Variants in SLC36A4 observed in about 807,000 individuals in gnomAD.
The protein encoded by SLC36A4 is solute carrier family 36 member 4, also known as neutral amino acid uniporter 4.
In SLC36A4, 49 loss-of-function variants were observed where a neutral mutation model predicts 50.5. That is an observed-to-expected ratio of 0.97 (90% CI 0.77 to 1.23). The LOEUF is 1.23. Ranked by LOEUF, SLC36A4 falls within the 50% of genes most tolerant of loss-of-function variation. SLC36A4 has a pLI of 0.00. For synonymous variants in SLC36A4, 207 were observed against 206.5 expected (o/e 1.00, Z -0.02); for missense variants, 611 against 608.4 (o/e 1.00, Z -0.05).
intron 10 of SLC36A4, chr11:93,152,458 GA>G (rs1860137518): frequency 6.6e-6 from 1 of 152,144 alleles, no homozygotes; most frequent in South Asian, 2.1e-4. Context: ...CAATATAGCA[GA>G]AGGAAATATT....
chr11:93,150,318 T>C (rs1453004647), intron 10 of SLC36A4, among the ~76,000 whole-genome samples: 1 of 152,060 alleles, frequency 6.6e-6, no homozygotes, highest in Non-Finnish European at 1.5e-5. Flanking sequence ...AATTTAGTTT[T>C]CAGCTTGCAG....
intron 1 of SLC36A4, among the ~76,000 whole-genome samples, chr11:93,187,142 A>G (rs533452784): frequency 0.11 from 17,074 of 152,214 alleles, 1,263 homozygotes; most frequent in Non-Finnish European, 0.16. Flanking sequence ...TTTCTTGAAA[A>G]TGCTGTTCCA....
Position 93,154,264 on chromosome 11 carries a change from C to G in SLC36A4, c.1051G>C (p.Val351Leu), listed in dbSNP as rs747449159. 7.0e-6 allele frequency: 10 copies of G among 1,428,518 alleles called. No individual in the cohort carries two copies. Among genetic ancestry groups the G allele is most frequent in the Middle Eastern group, 1.8e-4 (1 of 5,444 alleles). The allele number at this position is 1,428,518 out of a possible 1,614,324, so 88.5% of individuals were successfully genotyped here. The change falls in exon 10 of 11, where the codon GTG (valine) becomes CTG (leucine). Residue 351 changes from valine to leucine, a missense_variant. Physicochemically the swap from Val to Leu is conservative, Grantham distance 32. Transcript: ENST00000326402. ...LPQDVWLYQS[V>L]KILYSFGIFV... ...ATGCCAAAGGAATATAGAATTTTCA[C>G]TGATTGATATAACCTGTTGAAAAAA...
chr11:93,177,520 T>G (rs758875761), intron 6 of SLC36A4, among the ~76,000 whole-genome samples: 11 of 151,756 alleles, frequency 7.2e-5, no homozygotes, highest in African/African-American at 1.7e-4. Flanking sequence ...TCCTTTGGCC[T>G]TTGAGGATGG....
chr11:93,148,930 A>G (rs3758676), intron 10 of SLC36A4, 86 bp from the exon 11 acceptor site: 1 of 1,171,100 alleles, frequency 8.5e-7, no homozygotes, highest in African/African-American at 1.6e-5. Context: ...CAATACTGAA[A>G]GTAATTACTA....
chr11:93,170,979 T>C (rs1272883157), intron 6 of SLC36A4, among the ~76,000 whole-genome samples: 1 of 152,044 alleles, frequency 6.6e-6, no homozygotes, highest in Non-Finnish European at 1.5e-5. Flanking sequence ...TAACAGTAAA[T>C]AGCAATTGGT....
At chr11:93,182,215 G>C (rs1861768216) in intron 4 of SLC36A4, 2 of 452,320 alleles carry the variant, frequency 4.4e-6, no homozygotes, top group African/African-American at 4.3e-5. Flanking sequence ...CTTCCCATGA[G>C]GTAGGTATTA....
intron 8 of SLC36A4, among the ~76,000 whole-genome samples, chr11:93,164,935 A>AAATACATGT (rs1220534295): frequency 1.3e-5 from 2 of 152,176 alleles, no homozygotes; most frequent in African/African-American, 4.8e-5. Context: ...TTAGATGAGA[A>AAATACATGT]AATACATGTC....
Position 93,197,878 on chromosome 11 carries a change from C to T in SLC36A4, c.-46G>A. ...GCCGCCGCCCGAGTGCTCACTCTCC[C>T]GCCGCTGCGTGGCCGGCGTCAGGCC... is the stretch of plus-strand genomic sequence containing the variant. On this transcript the variant is annotated 5_prime_UTR_variant, in exon 1 of 11. Transcript: ENST00000326402. The T allele has an allele frequency of 6.6e-7, 1 of 1,508,860 alleles. No homozygotes were observed. The highest frequency in any genetic ancestry group is 1.4e-5 in the African/African-American group (1 of 69,074). The allele number at this position is 1,508,860 out of a possible 1,614,324, so 93.5% of individuals were successfully genotyped here. A position where few individuals can be genotyped will look rare whatever the true frequency, so the allele number is the denominator to read the frequency against.
intron 10 of SLC36A4, among the ~76,000 whole-genome samples, chr11:93,153,343 T>C (rs1467200016): frequency 6.6e-6 from 1 of 152,166 alleles, no homozygotes; most frequent in Admixed American, 6.6e-5. Context: ...GTTACAATAA[T>C]GATCATAACT....
Position 93,197,713 on chromosome 11 carries a change from A to T in SLC36A4, c.55+65T>A, listed in dbSNP as rs1555019154. 17 of 1,522,984 alleles carry T rather than the reference A, an allele frequency of 1.1e-5. No homozygotes were observed. The South Asian group carries it at 1.5e-4, about 14-fold the overall frequency. 94.3% of individuals were successfully genotyped at this position (1,522,984 alleles called of 1,614,324 possible). On this transcript the variant is annotated intron_variant, in intron 1 of 10. Transcript: ENST00000326402. ...GCGGGGCCCCTGGAGGTGTGGGCGCACCCGACTCCCGCACAGACCCCCGCC... is the reference window on the plus strand; with the variant it reads ...GCGGGGCCCCTGGAGGTGTGGGCGCTCCCGACTCCCGCACAGACCCCCGCC...
chr11:93,192,787 C>T (rs1178795300), intron 1 of SLC36A4, among the ~76,000 whole-genome samples: 2 of 152,126 alleles, frequency 1.3e-5, no homozygotes, highest in African/African-American at 4.8e-5. Flanking sequence ...CTGAACAGCA[C>T]AGCACTAGAG....
rs1378764668 is a variant in SLC36A4 at position 93,147,991 on chromosome 11, T to C, written c.*546A>G. On this transcript the variant is annotated 3_prime_UTR_variant, in exon 11 of 11. Transcript: ENST00000326402. Reference sequence around the variant, plus strand: ...CTAGTGTTTGCAATTTTCTGATGCTTATATTATGTTAATGGGAGTTTTCTA... The same window carrying C: ...CTAGTGTTTGCAATTTTCTGATGCTCATATTATGTTAATGGGAGTTTTCTA... The C allele has an allele frequency of 1.3e-5, 2 of 152,426 alleles. No homozygotes were observed. Among genetic ancestry groups the C allele is most frequent in the African/African-American group, 4.8e-5 (2 of 41,440 alleles). The allele number at this position is 152,426 out of a possible 1,614,324, so 9.4% of individuals were successfully genotyped here.
intron 9 of SLC36A4, among the ~76,000 whole-genome samples, chr11:93,157,834 C>A (rs906756605): frequency 6.6e-6 from 1 of 152,156 alleles, no homozygotes; most frequent in African/African-American, 2.4e-5. Context: ...GCAGATCTTG[C>A]AGTTCTTCCT....
chr11:93,159,032 T>C (rs1860498546), intron 9 of SLC36A4, among the ~76,000 whole-genome samples: 1 of 152,104 alleles, frequency 6.6e-6, no homozygotes. Context: ...TAATAGGTGA[T>C]TGATACTTAT....
intron 8 of SLC36A4, among the ~76,000 whole-genome samples, chr11:93,164,565 A>G (rs1860778826): frequency 6.6e-6 from 1 of 152,208 alleles, no homozygotes; most frequent in Non-Finnish European, 1.5e-5. Context: ...AGTCAGTTCC[A>G]TATGGAAACA....
At chr11:93,178,136 A>C (rs1004578155) in intron 6 of SLC36A4, among the ~76,000 whole-genome samples, 1 of 152,102 alleles carries the variant, frequency 6.6e-6, no homozygotes, top group Non-Finnish European at 1.5e-5. Context: ...TGTGCTAGTG[A>C]GCACTGCTAG....
chr11:93,173,858 T>C lies in SLC36A4; in HGVS notation c.541-5687A>G, dbSNP rs1861314384. 5.2e-5 allele frequency among the ~76,000 whole-genome samples: 7 copies of C among 135,172 alleles called. No homozygotes were observed. The South Asian group carries it at 1.9e-3, about 36-fold the overall frequency. 88.7% of individuals were successfully genotyped at this position (135,172 alleles called of 152,430 possible). A position where few individuals can be genotyped will look rare whatever the true frequency, so the allele number is the denominator to read the frequency against. ...TGTTTTGGTTACTGTAGCCTTGTAG[T>C]ATAGTTTGAAGTCAGGTAGTGTGAT... On this transcript the variant is annotated intron_variant, in intron 6 of 10. Transcript: ENST00000326402.
chr11:93,175,935 G>T (rs1861444900), intron 6 of SLC36A4, among the ~76,000 whole-genome samples: 1 of 132,510 alleles, frequency 7.5e-6, no homozygotes, highest in Non-Finnish European at 1.6e-5. Context: ...TTGATTTGGG[G>T]TGGAGAGTTC....
Sources: allele counts gnomAD v4.1 joint callset (sites outside exome capture counted in the v4.1 genomes callset), GRCh38; gene constraint gnomAD v4.1.1; transcripts MANE v1.5; gene names NCBI Gene and HGNC (gene_info 2026-07-23, HGNC 2026-07-21).